ZIM3: variants seen among roughly 807,000 people sequenced by gnomAD.
The protein encoded by ZIM3 is zinc finger imprinted 3.
ZIM3 carries 11 observed loss-of-function variants against 12.9 expected under a neutral mutation model. The ratio of observed to expected loss-of-function variants is 0.85; its 90% CI spans 0.54 to 1.41. The LOEUF is 1.41. ZIM3 is among the 40% of genes most tolerant of loss of function. The pLI is 0.00. For missense variants in ZIM3, 604 were observed against 557.2 expected, an observed-to-expected ratio of 1.08 and a Z score of -0.85; for synonymous variants, 205 against 198.5, an observed-to-expected ratio of 1.03 and a Z score of -0.28.
At chr19:57,143,007 A>G (rs2086920559) in intron 1 of ZIM3, among the ~76,000 whole-genome samples, 1 of 152,020 alleles carries the variant, frequency 6.6e-6, no homozygotes, top group Non-Finnish European at 1.5e-5. Context: ...CAGCCTGTCC[A>G]ACATGGTGAA....
At chr19:57,142,725 C>T (rs975366845) in intron 1 of ZIM3, 40 bp from the exon 2 acceptor site, 4 of 1,537,572 alleles carry the variant, frequency 2.6e-6, no homozygotes, top group Admixed American at 1.7e-5. Flanking sequence ...TAGCAGAATT[C>T]GCTTTGGAAG....
At chr19:57,137,825 A>T (rs2122663441) in intron 3 of ZIM3, among the ~76,000 whole-genome samples, 1 of 141,980 alleles carries the variant, frequency 7.0e-6, no homozygotes, top group East Asian at 2.1e-4. Flanking sequence ...GAATGGAGAG[A>T]GGGAGGGAGG....
intron 4 of ZIM3, 45 bp from the exon 5 acceptor site, chr19:57,136,140 C>A: frequency 1.3e-6 from 2 of 1,507,274 alleles, no homozygotes; most frequent in South Asian, 1.2e-5. Flanking sequence ...ACGTTCCACT[C>A]ACATGCTTGA....
At chr19:57,141,625 C>A (rs2086914415) in intron 2 of ZIM3, among the ~76,000 whole-genome samples, 2 of 151,904 alleles carry the variant, frequency 1.3e-5, no homozygotes, top group Admixed American at 1.3e-4. Context: ...CAAAGGCAGG[C>A]AGATCACCTG....
At chr19:57,143,318 G>C (rs954552270) in intron 1 of ZIM3, among the ~76,000 whole-genome samples, 1 of 147,716 alleles carries the variant, frequency 6.8e-6, no homozygotes, top group African/African-American at 2.5e-5. Context: ...GCGACAGAGC[G>C]AGACTCCGTC....
intron 3 of ZIM3, 135 bp from the exon 4 acceptor site, chr19:57,137,106 G>T: frequency 1.3e-6 from 1 of 792,814 alleles, no homozygotes; most frequent in Non-Finnish European, 2.1e-6. Flanking sequence ...ATATGTCAGT[G>T]TGTGGGTATG....
In ZIM3 at chr19:57,137,027, C is replaced by G. The variant is rs1049077843; in HGVS notation, c.143-56G>C. 3 of 1,554,298 alleles carry G rather than the reference C, an allele frequency of 1.9e-6. No individual in the cohort carries two copies. The Admixed American group carries it at 5.0e-5, about 26-fold the overall frequency. Reference sequence around the variant, plus strand: ...TTTGTGGATGTGTGAGTTGTTTGTGCAAGTGTATGAGTGTATATAAGCGCT... The same window carrying G: ...TTTGTGGATGTGTGAGTTGTTTGTGGAAGTGTATGAGTGTATATAAGCGCT... On this transcript the variant is annotated intron_variant, in intron 3 of 4. Transcript: ENST00000269834.
At chr19:57,140,799 A>G (rs1342558416) in intron 2 of ZIM3, among the ~76,000 whole-genome samples, 1 of 152,122 alleles carries the variant, frequency 6.6e-6, no homozygotes, top group Non-Finnish European at 1.5e-5. Context: ...TCAACAGGAA[A>G]TTGGTCAACA....
At chr19:57,137,008 G>GATGTGTGAGTTGTTTGTGC (rs2086890180) in intron 3 of ZIM3, 37 bp from the exon 4 acceptor site, 1 of 1,602,988 alleles carries the variant, frequency 6.2e-7, no homozygotes. Flanking sequence ...GGTGTTTGTG[G>GATGTGTGAGTTGTTTGTGC]ATGTGTGAGT....
intron 2 of ZIM3, 66 bp downstream of exon 2, chr19:57,142,563 T>C (rs1250495422): frequency 6.4e-6 from 10 of 1,564,198 alleles, no homozygotes; most frequent in Non-Finnish European, 7.9e-6. Flanking sequence ...CAGTTAATTC[T>C]GAGCAAGAGG....
At position 57,136,073 on chromosome 19, in the gene ZIM3, C is replaced by A. The variant is rs1185810780; in HGVS notation, c.264G>T (p.Gly88=). ...TCACATCCTTTGGCTTCCAAATCTG[C>A]CCTCCAATGTCCCCATTTTTTTCTA... ...GRAEKNGDIG[G]QIWKPKDVKE... The change falls in exon 5 of 5, where the codon GGG becomes GGT. Residue 88 remains glycine (G), a synonymous_variant. Coordinates refer to ENST00000269834, the MANE Select transcript of ZIM3 (RefSeq NM_052882.1). 1.2e-6 allele frequency: 2 copies of A among 1,611,116 alleles called. No homozygotes were observed. The highest frequency in any genetic ancestry group is 1.7e-6 in the Non-Finnish European group (2 of 1,178,526).
rs1468598220 is a variant in ZIM3, at chr19:57,134,156, A to G, written c.*762T>C. On this transcript the variant is annotated 3_prime_UTR_variant, in exon 5 of 5. Transcript: ENST00000269834. Reference sequence around the variant, plus strand: ...GAAATGCCAAGATACCTTCATGCTCAGGAGAGAAAGCTGTACTTCCTGGAT... The same window carrying G: ...GAAATGCCAAGATACCTTCATGCTCGGGAGAGAAAGCTGTACTTCCTGGAT... 1 of 152,250 alleles carries G rather than the reference A, an allele frequency of 6.6e-6. No homozygotes were observed. The highest frequency in any genetic ancestry group is 6.5e-5 in the Admixed American group (1 of 15,280). 9.4% of individuals were successfully genotyped at this position (152,250 alleles called of 1,614,324 possible).
Position 57,135,456 on chromosome 19 carries a change from A to G in ZIM3, c.881T>C (p.Leu294Pro). The part of the protein sequence containing the change: ...CEKSFRQNST[L>P]IQHKKVHTGQ... ...AGTGTGAACTTTTTTATGTTGAATG[A>G]GGGTTGAGTTCTGCCTGAAGGATTT... The change falls in exon 5 of 5, where the codon CTC (leucine) becomes CCC (proline). Residue 294 changes from leucine to proline, a missense_variant. Transcript: ENST00000269834. The G allele has an allele frequency of 6.2e-7, 1 of 1,614,162 alleles. No individual in the cohort carries two copies. Among genetic ancestry groups the G allele is most frequent in the Non-Finnish European group, 8.5e-7 (1 of 1,180,044 alleles).
intron 4 of ZIM3, 51 bp from the exon 5 acceptor site, chr19:57,136,146 C>A: frequency 6.7e-7 from 1 of 1,490,588 alleles, no homozygotes; most frequent in Non-Finnish European, 9.1e-7. Flanking sequence ...CACTCACATG[C>A]TTGAAATAAA....
At position 57,138,691 on chromosome 19, in the gene ZIM3, C is replaced by T. The variant is rs571031712; in HGVS notation, c.16-93G>A. 1.0e-4 allele frequency: 153 copies of T among 1,479,550 alleles called. 2 individuals carry two copies. In the South Asian group the frequency reaches 1.8e-3, roughly 17 times the overall value. 91.7% of individuals were successfully genotyped at this position (1,479,550 alleles called of 1,614,324 possible). On this transcript the variant is annotated intron_variant, in intron 2 of 4. Coordinates refer to ENST00000269834, the MANE Select transcript of ZIM3 (RefSeq NM_052882.1). ...TGTTTCTGCTGAACCAAGCTTTAAT[C>T]ATGTCCATAATTCACTCTACTCTGG...
rs2086878722 is a variant in ZIM3 at position 57,135,017 on chromosome 19, G to T, written c.1320C>A (p.Thr440=). Residue 440 remains threonine (T), a synonymous_variant, in exon 5 of 5, where the codon ACC becomes ACA. Coordinates refer to ENST00000269834, the MANE Select transcript of ZIM3 (RefSeq NM_052882.1). ...RKLNLSLHKK[T]HTGQKPYGCS... is the part of the protein sequence containing the mutation. ...ATCCATAAGGTTTTTGTCCAGTATG[G>T]GTTTTTTTATGCAAACTAAGGTTTA... is the stretch of plus-strand genomic sequence containing the variant. The T allele has an allele frequency of 6.2e-7, 1 of 1,614,014 alleles. No homozygotes were observed. Among genetic ancestry groups the T allele is most frequent in the African/African-American group, 1.3e-5 (1 of 74,982 alleles).
intron 2 of ZIM3, among the ~76,000 whole-genome samples, chr19:57,140,427 C>T (rs938908861): frequency 1.3e-5 from 2 of 152,026 alleles, no homozygotes; most frequent in East Asian, 3.9e-4. Flanking sequence ...CTGCCCGCAT[C>T]GGCCTCCCGA....
At chr19:57,141,398 C>CAA (rs66633580) in intron 2 of ZIM3, among the ~76,000 whole-genome samples, 92 of 105,328 alleles carry the variant, frequency 8.7e-4, no homozygotes, top group African/African-American at 1.0e-3. Flanking sequence ...GAGACTGTCT[C>CAA]AAAAAAAAAA....
At position 57,145,041 on chromosome 19, in the gene ZIM3, ACACT is replaced by A. The variant is rs2086931245; in HGVS notation, c.-229_-226del. 1 of 152,146 alleles carries A rather than the reference ACACT, an allele frequency of 6.6e-6. No individual in the cohort carries two copies. The allele number at this position is 152,146 out of a possible 1,614,324, so 9.4% of individuals were successfully genotyped here. ...TAATCCAGTCAAGAAACAACCCAAA[ACACT>A]CACTTCCTATCAAAAGCCCCACCTG... On this transcript the variant is annotated 5_prime_UTR_variant, in exon 1 of 5. Transcript: ENST00000269834.
Sources: allele counts gnomAD v4.1 joint callset (sites outside exome capture counted in the v4.1 genomes callset), GRCh38; gene constraint gnomAD v4.1.1; transcripts MANE v1.5; gene names NCBI Gene and HGNC (gene_info 2026-07-23, HGNC 2026-07-21).